Variants in RBM27 observed in about 807,000 individuals in gnomAD.
RBM27 encodes RNA binding motif protein 27.
RBM27 carries 22 observed loss-of-function variants against 135.3 expected under a neutral mutation model. The observed-to-expected ratio is 0.16, with a 90% CI of 0.12 to 0.23. The LOEUF is 0.23. Ranked by LOEUF, RBM27 falls within the 10% of genes least tolerant of loss-of-function variation. The pLI, the probability that RBM27 is intolerant of heterozygous loss-of-function variation, is 1.00. For missense variants in RBM27, 1,009 were observed against 1,281.0 expected (o/e 0.79, Z 3.24); for synonymous variants, 481 against 442.4 (o/e 1.09, Z -1.10).
intron 10 of RBM27, among the ~76,000 whole-genome samples, chr5:146,255,571 C>T (rs1198061002): frequency 6.6e-6 from 1 of 152,104 alleles, no homozygotes; most frequent in Non-Finnish European, 1.5e-5. Flanking sequence ...AGGACCTTTA[C>T]AAAACTTAGG....
intron 19 of RBM27, among the ~76,000 whole-genome samples, chr5:146,274,588 A>G (rs1224155512): frequency 6.6e-6 from 1 of 152,116 alleles, no homozygotes; most frequent in African/African-American, 2.4e-5. Context: ...TACTTTTAAA[A>G]TCAGACTTTT....
At chr5:146,213,513 C>A (rs1019633204) in intron 1 of RBM27, among the ~76,000 whole-genome samples, 2 of 152,028 alleles carry the variant, frequency 1.3e-5, no homozygotes, top group African/African-American at 4.8e-5. Context: ...AAAGAAAGAG[C>A]ACATTAAGAT....
chr5:146,281,966 T>C (rs557868782), intron 19 of RBM27, among the ~76,000 whole-genome samples: 2 of 151,938 alleles, frequency 1.3e-5, no homozygotes, highest in African/African-American at 4.8e-5. Context: ...TACTATATAA[T>C]AGTTGTATCA....
rs765730129 is a variant in RBM27, at chr5:146,229,070, A to T, written c.395+33A>T. The stretch of plus-strand genomic sequence containing the variant: ...TTTATCTTTAATTAGGAAGACATTG[A>T]TAACTCACTTTTTAGTTGCCTTGCA... On this transcript the variant is annotated intron_variant, in intron 4 of 20. Coordinates refer to ENST00000265271, the MANE Select transcript of RBM27 (RefSeq NM_018989.2). The T allele has an allele frequency of 3.2e-6, 5 of 1,564,438 alleles. No homozygotes were observed. In the South Asian group the frequency reaches 5.6e-5, roughly 18 times the overall value.
rs1441429048 is a variant in RBM27 at position 146,286,249 on chromosome 5, C to T, written c.*219C>T. 2.5e-6 allele frequency: 1 copy of T among 396,042 alleles called. No individual in the cohort carries two copies. The highest frequency in any genetic ancestry group is 4.4e-6 in the Non-Finnish European group (1 of 225,318). 24.5% of individuals were successfully genotyped at this position (396,042 alleles called of 1,614,324 possible). On this transcript the variant is annotated 3_prime_UTR_variant, in exon 21 of 21. Transcript: ENST00000265271. ...TGACTTTTACACAGTTGTGAAGATC[C>T]ACAGCAATGACATGGATAATCTCTA...
chr5:146,205,104 G>A (rs982272738), intron 1 of RBM27, among the ~76,000 whole-genome samples: 13 of 152,192 alleles, frequency 8.5e-5, no homozygotes, highest in African/African-American at 3.1e-4. Context: ...CGCCTTGTTG[G>A]CGAGGCTGGT....
intron 2 of RBM27, among the ~76,000 whole-genome samples, chr5:146,221,427 G>A (rs926990729): frequency 8.5e-5 from 13 of 152,068 alleles, no homozygotes; most frequent in Non-Finnish European, 1.3e-4. Context: ...TGGTAAATAG[G>A]CCAGAGAAAT....
Position 146,269,215 on chromosome 5 carries a change from G to T in RBM27, c.2460G>T (p.Met820Ile). Reference protein sequence around the residue: ...QEVLKKKQEAMKLQQDMRKKR... With the variant: ...QEVLKKKQEAIKLQQDMRKKR... ...CTTTTTTACTTATACAGGAAGCAATGAAGTTACAACAAGATATGAGGAAAA... is the reference window on the plus strand; with the variant it reads ...CTTTTTTACTTATACAGGAAGCAATTAAGTTACAACAAGATATGAGGAAAA... The change falls in exon 16 of 21, where the codon ATG becomes ATT. Residue 820 changes from methionine (M) to isoleucine (I), a missense_variant. By Grantham distance (10) the Met-to-Ile change is conservative. Around this residue, in one of 6 missense-constraint regions of RBM27, gnomAD observed 355 missense variants for 427.3 expected, o/e 0.83. Coordinates refer to ENST00000265271, the MANE Select transcript of RBM27 (RefSeq NM_018989.2). 1 of 1,600,822 alleles carries T rather than the reference G, an allele frequency of 6.2e-7. No homozygotes were observed. Among genetic ancestry groups the T allele is most frequent in the South Asian group, 1.1e-5 (1 of 89,488 alleles).
At chr5:146,237,529 G>T in intron 8 of RBM27, 97 bp downstream of exon 8, 1 of 1,327,486 alleles carries the variant, frequency 7.5e-7, no homozygotes. Flanking sequence ...AATAGTTTCT[G>T]TTCTTATGGA....
Position 146,208,500 on chromosome 5 carries a change from T to C in RBM27, c.59+4676T>C, listed in dbSNP as rs1288632333. 2.0e-5 allele frequency among the ~76,000 whole-genome samples: 3 copies of C among 151,370 alleles called. No individual in the cohort carries two copies. The East Asian group carries it at 5.9e-4, about 30-fold the overall frequency. On this transcript the variant is annotated intron_variant, in intron 1 of 20. Transcript: ENST00000265271. ...GCAGTAAAAGGGAGGGAAACCAATA[T>C]CTCAGTCGAGAAGTTTGTCTCTTTC...
rs965563355 is a variant in RBM27 at position 146,229,187 on chromosome 5, C to G, written c.395+150C>G. 10 of 625,364 alleles carry G rather than the reference C, an allele frequency of 1.6e-5. No homozygotes were observed. The African/African-American group carries it at 1.7e-4, about 11-fold the overall frequency. The allele number at this position is 625,364 out of a possible 1,614,324, so 38.7% of individuals were successfully genotyped here. A position where few individuals can be genotyped will look rare whatever the true frequency, so the allele number is the denominator to read the frequency against. Reference sequence around the variant, plus strand: ...GTTACCTTTCTTCCTTTCATTCTTTCTGTTTTTTGTCTTTTGTCTTACTTT... The same window carrying G: ...GTTACCTTTCTTCCTTTCATTCTTTGTGTTTTTTGTCTTTTGTCTTACTTT... On this transcript the variant is annotated intron_variant, in intron 4 of 20. Coordinates refer to ENST00000265271, the MANE Select transcript of RBM27 (RefSeq NM_018989.2).
intron 9 of RBM27, among the ~76,000 whole-genome samples, chr5:146,252,927 T>C (rs1757957637): frequency 1.3e-5 from 2 of 152,206 alleles, no homozygotes; most frequent in South Asian, 4.1e-4. Flanking sequence ...CAAAATACTC[T>C]TTGGCGGATA....
chr5:146,220,489 AAT>A lies in RBM27; in HGVS notation c.178+1405_178+1406del, dbSNP rs34220307. Among the ~76,000 whole-genome samples, 392 of 104,842 alleles carry A rather than the reference AAT, an allele frequency of 3.7e-3. 20 individuals are homozygous for A. Among genetic ancestry groups the A allele is most frequent in the Middle Eastern group, 8.9e-3 (2 of 224 alleles). The allele number at this position is 104,842 out of a possible 152,430, so 68.8% of individuals were successfully genotyped here. A position where few individuals can be genotyped will look rare whatever the true frequency, so the allele number is the denominator to read the frequency against. ...GAGTCCATCTCAAAAAAAAAAAAAA[AAT>A]ATATATATATATATATATGTATGTA... On this transcript the variant is annotated intron_variant, in intron 2 of 20. Transcript: ENST00000265271.
At chr5:146,216,776 G>C (rs563908906) in intron 1 of RBM27, among the ~76,000 whole-genome samples, 1 of 152,228 alleles carries the variant, frequency 6.6e-6, no homozygotes, top group Non-Finnish European at 1.5e-5. Context: ...TCCTGTCTCA[G>C]CTTCCTTAGT....
chr5:146,246,110 C>T (rs1039322740), intron 8 of RBM27, among the ~76,000 whole-genome samples: 15 of 152,078 alleles, frequency 9.9e-5, no homozygotes, highest in African/African-American at 3.6e-4. Context: ...ACTGTTTAGC[C>T]CTTGGAACTT....
chr5:146,233,660 G>A lies in RBM27; in HGVS notation c.1061G>A (p.Gly354Asp). 1.3e-6 allele frequency: 2 copies of A among 1,564,610 alleles called. No homozygotes were observed. Among genetic ancestry groups the A allele is most frequent in the Non-Finnish European group, 8.6e-7 (1 of 1,165,798 alleles). ...GGTCCAGGCCCAGGCCCGGGCCCAG[G>A]TCCAGGTCCTGGCCATAGTATGAGA... is the stretch of plus-strand genomic sequence containing the variant. Reference protein sequence around the residue: ...GPGPGPGPGPGPGPGHSMRLP... With the variant: ...GPGPGPGPGPDPGPGHSMRLP... Residue 354 changes from glycine to aspartate, a missense_variant, in exon 7 of 21, where the codon GGT (glycine) becomes GAT (aspartate). This residue lies in a region of RBM27 where 329 missense variants were observed against 368.1 expected (regional missense o/e 0.89). Coordinates refer to ENST00000265271, the MANE Select transcript of RBM27 (RefSeq NM_018989.2).
At chr5:146,276,709 G>A (rs919248170) in intron 19 of RBM27, among the ~76,000 whole-genome samples, 1 of 152,154 alleles carries the variant, frequency 6.6e-6, no homozygotes, top group African/African-American at 2.4e-5. Flanking sequence ...AACATTTGGA[G>A]AAAGTTTTTT....
Position 146,263,728 on chromosome 5 carries a change from G to A in RBM27, c.2331+97G>A, listed in dbSNP as rs778615055. On this transcript the variant is annotated intron_variant, in intron 14 of 20. Coordinates refer to ENST00000265271, the MANE Select transcript of RBM27 (RefSeq NM_018989.2). ...TCAGACAGTGAAGACAGTTGTGACAGTTAACCTAAGTGTGGCAGGTATACC... is the reference window on the plus strand; with the variant it reads ...TCAGACAGTGAAGACAGTTGTGACAATTAACCTAAGTGTGGCAGGTATACC... The A allele has an allele frequency of 2.3e-5, 31 of 1,352,304 alleles. No individual in the cohort carries two copies. The Admixed American group carries it at 5.6e-4, about 24-fold the overall frequency. The allele number at this position is 1,352,304 out of a possible 1,614,324, so 83.8% of individuals were successfully genotyped here.
Position 146,269,120 on chromosome 5 carries a change from G to A in RBM27, c.2452-87G>A, listed in dbSNP as rs1758752194. ...CAGCTATTTTTTTATTAGGAGGACA[G>A]TCTGTCTCAGGGATGACCCAGAAAA... On this transcript the variant is annotated intron_variant, in intron 15 of 20. Transcript: ENST00000265271. The A allele has an allele frequency of 6.1e-6, 5 of 824,952 alleles. No individual in the cohort carries two copies. In the South Asian group the frequency reaches 7.3e-5, roughly 12 times the overall value. The allele number at this position is 824,952 out of a possible 1,614,324, so 51.1% of individuals were successfully genotyped here.
Sources: allele counts gnomAD v4.1 joint callset (sites outside exome capture counted in the v4.1 genomes callset), GRCh38; gene constraint gnomAD v4.1.1; regional missense constraint gnomAD v4.1.1; transcripts MANE v1.5; gene names NCBI Gene and HGNC (gene_info 2026-07-23, HGNC 2026-07-21).